Variants in MUC5AC observed in about 807,000 individuals in gnomAD.
MUC5AC encodes the protein mucin 5AC, oligomeric mucus/gel-forming.
Under a neutral mutation model 169.7 loss-of-function variants are expected in MUC5AC, and 158 were observed. The ratio of observed to expected loss-of-function variants is 0.93; its 90% CI spans 0.82 to 1.06. The LOEUF is 1.06. Ranked by LOEUF, MUC5AC falls within the 50% of genes least tolerant of loss-of-function variation. The pLI is 0.00. For synonymous variants in MUC5AC, 1,975 were observed against 1,237.0 expected (o/e 1.60, Z -12.52); for missense variants, 4,359 against 3,089.9 (o/e 1.41, Z -9.74).
Position 1,200,537 on chromosome 11 carries a change from C to T in MUC5AC, c.16800C>T (p.Ser5600=), listed in dbSNP as rs1861400590. The T allele has an allele frequency of 1.3e-6, 1 of 763,420 alleles. No homozygotes were observed. The highest frequency in any genetic ancestry group is 1.7e-5 in the African/African-American group (1 of 59,094). 47.3% of individuals were successfully genotyped at this position (763,420 alleles called of 1,614,324 possible). ...TGACCCTGCACTGCACCGACGGCTC[C>T]AGCCGGGCCTTCAGCTACACCGAGG... ...RNVTLHCTDG[S]SRAFSYTEVE... The change falls in exon 49 of 49, where the codon TCC becomes TCT. Residue 5600 remains serine (S), a synonymous_variant. Coordinates refer to ENST00000621226, the MANE Select transcript of MUC5AC (RefSeq NM_001304359.2).
chr11:1,162,475 T>C, intron 4 of MUC5AC, 57 bp from the exon 5 acceptor site: 2 of 1,501,412 alleles, frequency 1.3e-6, no homozygotes, highest in Non-Finnish European at 1.8e-6. Context: ...GCATCTGCCC[T>C]GCCTGGGGTC....
In MUC5AC at chr11:1,178,527, C is replaced by A. The variant is rs932127819; in HGVS notation, c.3171C>A (p.Asp1057Glu). ...CGCGGAGCCGGTCTGTGGTGGGGGACGTGCTGGAGTTTGGGAACAGCTGGA... is the reference window on the plus strand; with the variant it reads ...CGCGGAGCCGGTCTGTGGTGGGGGAAGTGCTGGAGTTTGGGAACAGCTGGA... The part of the protein sequence containing the change: ...FATRSRSVVG[D>E]VLEFGNSWKL... Residue 1057 changes from aspartate to glutamate, a missense_variant, in exon 25 of 49, where the codon GAC becomes GAA. Coordinates refer to ENST00000621226, the MANE Select transcript of MUC5AC (RefSeq NM_001304359.2). 2 of 1,293,394 alleles carry A rather than the reference C, an allele frequency of 1.5e-6. No homozygotes were observed. The highest frequency in any genetic ancestry group is 2.0e-6 in the Non-Finnish European group (2 of 985,332). The allele number at this position is 1,293,394 out of a possible 1,614,324, so 80.1% of individuals were successfully genotyped here.
At chr11:1,193,992 G>T (rs1043131159) in intron 33 of MUC5AC, 118 bp from the exon 34 acceptor site, 1 of 671,632 alleles carries the variant, frequency 1.5e-6, no homozygotes. Context: ...GGTCTTGTGC[G>T]CCCTGTGAGA....
At chr11:1,197,405 G>C (rs28429550) in intron 40 of MUC5AC, 63 bp from the exon 41 acceptor site, 510,915 of 687,866 alleles carry the variant, frequency 0.74, 192,896 homozygotes, top group Non-Finnish European at 0.8. Flanking sequence ...ATGAGCCGGG[G>C]TGGCTGCTGC....
chr11:1,183,419 G>T lies in MUC5AC; in HGVS notation c.5274G>T (p.Pro1758=). The T allele has an allele frequency of 1.6e-6, 1 of 640,698 alleles. No homozygotes were observed. The allele number at this position is 640,698 out of a possible 1,614,324, so 39.7% of individuals were successfully genotyped here. A position where few individuals can be genotyped will look rare whatever the true frequency, so the allele number is the denominator to read the frequency against. ...TWTKWFDVDF[P]SPGPHGGDKE... Reference sequence around the variant, plus strand: ...CAAAGTGGTTCGACGTGGACTTCCCGTCCCCCGGACCCCATGGTGGAGACA... The same window carrying T: ...CAAAGTGGTTCGACGTGGACTTCCCTTCCCCCGGACCCCATGGTGGAGACA... The change falls in exon 31 of 49, where the codon CCG becomes CCT. Residue 1758 remains proline (P), a synonymous_variant. Transcript: ENST00000621226.
At position 1,194,566 on chromosome 11, in the gene MUC5AC, A is replaced by G. The variant is rs1254833748; in HGVS notation, c.15086A>G (p.Tyr5029Cys). ...GTCTCGCGCATCGGCGTCAAGATGTACGCGACCATCCCGGAGCTGGGAGTC... is the reference window on the plus strand; with the variant it reads ...GTCTCGCGCATCGGCGTCAAGATGTGCGCGACCATCCCGGAGCTGGGAGTC... ...IVVSRIGVKM[Y>C]ATIPELGVQV... is the part of the protein sequence containing the mutation. Residue 5029 changes from tyrosine to cysteine, a missense_variant, in exon 35 of 49, where the codon TAC (tyrosine) becomes TGC (cysteine). Physicochemically the swap from Tyr to Cys is radical, Grantham distance 194 (BLOSUM62 -2). Coordinates refer to ENST00000621226, the MANE Select transcript of MUC5AC (RefSeq NM_001304359.2). The G allele has an allele frequency of 1.3e-6, 1 of 764,446 alleles. No homozygotes were observed. The highest frequency in any genetic ancestry group is 2.4e-6 in the Non-Finnish European group (1 of 417,588). 47.4% of individuals were successfully genotyped at this position (764,446 alleles called of 1,614,324 possible).
At position 1,190,592 on chromosome 11, in the gene MUC5AC, T is replaced by C. The variant is rs1253192631; in HGVS notation, c.12447T>C (p.Pro4149=). 19 of 693,128 alleles carry C rather than the reference T, an allele frequency of 2.7e-5. No homozygotes were observed. Among genetic ancestry groups the C allele is most frequent in the Non-Finnish European group, 4.2e-5 (16 of 380,490 alleles). 42.9% of individuals were successfully genotyped at this position (693,128 alleles called of 1,614,324 possible). A position where few individuals can be genotyped will look rare whatever the true frequency, so the allele number is the denominator to read the frequency against. Residue 4149 remains proline (P), a synonymous_variant, in exon 31 of 49, where the codon CCT becomes CCC. Transcript: ENST00000621226. ...CTACACACAGAACGACTTCTGGTCC[T>C]ACAACCAGCACAACCTTGGCTCCTA... ...SAPTHRTTSG[P]TTSTTLAPTT...
chr11:1,188,079 A>G lies in MUC5AC; in HGVS notation c.9934A>G (p.Asn3312Asp), dbSNP rs1222613100. ...DQQGPFKMCL[N>D]YEVRVLCCET... is the part of the protein sequence containing the mutation. ...GCAGGGACCCTTCAAGATGTGCCTC[A>G]ACTACGAGGTGCGTGTGCTCTGCTG... The change falls in exon 31 of 49, where the codon AAC (asparagine) becomes GAC (aspartate). Residue 3312 changes from asparagine to aspartate, a missense_variant. Asn to Asp is a conservative substitution (Grantham distance 23). Transcript: ENST00000621226. 4.0e-6 allele frequency: 3 copies of G among 742,480 alleles called. No homozygotes were observed. In the African/African-American group the frequency reaches 5.2e-5, roughly 13 times the overall value. 46.0% of individuals were successfully genotyped at this position (742,480 alleles called of 1,614,324 possible). A position where few individuals can be genotyped will look rare whatever the true frequency, so the allele number is the denominator to read the frequency against.
chr11:1,185,853 A>G lies in MUC5AC; in HGVS notation c.7708A>G (p.Thr2570Ala). 1.3e-6 allele frequency: 1 copy of G among 748,616 alleles called. No homozygotes were observed. Among genetic ancestry groups the G allele is most frequent in the Non-Finnish European group, 2.4e-6 (1 of 409,956 alleles). 46.4% of individuals were successfully genotyped at this position (748,616 alleles called of 1,614,324 possible). The change falls in exon 31 of 49, where the codon ACT becomes GCT. Residue 2570 changes from threonine (T) to alanine (A), a missense_variant. Thr to Ala is a moderately conservative substitution (Grantham distance 58). Coordinates refer to ENST00000621226, the MANE Select transcript of MUC5AC (RefSeq NM_001304359.2). Reference sequence around the variant, plus strand: ...AACCAGCACAACCTCTGGTCCTGGAACTACTCCCAGCCCTGTTCCTACCAC... The same window carrying G: ...AACCAGCACAACCTCTGGTCCTGGAGCTACTCCCAGCCCTGTTCCTACCAC... ...TTTSTTSGPG[T>A]TPSPVPTTST...
rs371327298 is a variant in MUC5AC at position 1,162,975 on chromosome 11, C to A, written c.609C>A (p.Tyr203Ter). 2 of 1,612,576 alleles carry A rather than the reference C, an allele frequency of 1.2e-6. No homozygotes were observed. The highest frequency in any genetic ancestry group is 1.3e-5 in the African/African-American group (1 of 74,934). ...TGCAGCTGGAGCTGGACACCAAATACGCCAACAAGACCTGTGGGCTCTGTG... is the reference window on the plus strand; with the variant it reads ...TGCAGCTGGAGCTGGACACCAAATAAGCCAACAAGACCTGTGGGCTCTGTG... ...DSLLLELDTKYANKTCGLCGD... is the reference protein window; with the variant it reads ...DSLLLELDTK Residue 203 changes from tyrosine to a stop codon, truncating the protein, a stop_gained, in exon 6 of 49, where the codon TAC becomes TAA. Coordinates refer to ENST00000621226, the MANE Select transcript of MUC5AC (RefSeq NM_001304359.2). LOFTEE classifies it high-confidence loss of function.
chr11:1,171,565 C>CCATT (rs1860538430), intron 15 of MUC5AC, among the ~76,000 whole-genome samples: 1 of 119,266 alleles, frequency 8.4e-6, no homozygotes, highest in Non-Finnish European at 1.8e-5. Context: ...ACCCACTCAC[C>CCATT]CACTCACTTA....
chr11:1,164,320 G>A lies in MUC5AC; in HGVS notation c.1003+1G>A, dbSNP rs916245957. 5 of 1,611,944 alleles carry A rather than the reference G, an allele frequency of 3.1e-6. No homozygotes were observed. Among genetic ancestry groups the A allele is most frequent in the Non-Finnish European group, 2.5e-6 (3 of 1,179,842 alleles). On this transcript the variant is annotated splice_donor_variant, in intron 8 of 48. Transcript: ENST00000621226. LOFTEE classifies it high-confidence loss of function. ...GACTGGCGGGGCCCTGACTTCTGCC[G>A]TGAGTGTCCCAGCCCCCTGTCCCCC...
Position 1,168,765 on chromosome 11 carries a change from G to A in MUC5AC, c.1691G>A (p.Arg564His), listed in dbSNP as rs372543378. 7.2e-5 allele frequency: 115 copies of A among 1,603,850 alleles called. No individual in the cohort carries two copies. Among genetic ancestry groups the A allele is most frequent in the Non-Finnish European group, 8.6e-5 (101 of 1,173,232 alleles). The change falls in exon 14 of 49, where the codon CGT (arginine) becomes CAT (histidine). Residue 564 changes from arginine to histidine, a missense_variant. Coordinates refer to ENST00000621226, the MANE Select transcript of MUC5AC (RefSeq NM_001304359.2). ...QLFMQLAPKLRGQTCGLCGNF... is the reference protein window; with the variant it reads ...QLFMQLAPKLHGQTCGLCGNF... Reference sequence around the variant, plus strand: ...TTCATGCAGCTGGCGCCCAAGCTCCGTGGGCAGACCTGCGGTAAGAGGGCT... The same window carrying A: ...TTCATGCAGCTGGCGCCCAAGCTCCATGGGCAGACCTGCGGTAAGAGGGCT...
chr11:1,197,863 G>T (rs1018634891), intron 41 of MUC5AC, 40 bp from the exon 42 acceptor site: 9 of 694,624 alleles, frequency 1.3e-5, no homozygotes, highest in Admixed American at 4.0e-5. Flanking sequence ...GGGTGGGGGC[G>T]GGGGACAGAC....
rs750361134 is a variant in MUC5AC at position 1,195,231 on chromosome 11, C to T, written c.15410C>T (p.Pro5137Leu). The change falls in exon 36 of 49, where the codon CCG (proline) becomes CTG (leucine). Residue 5137 changes from proline (P) to leucine (L), a missense_variant. Coordinates refer to ENST00000621226, the MANE Select transcript of MUC5AC (RefSeq NM_001304359.2). ...VGSTTVGPTT[P>L]PAPCLPSPIC... ...TCTACCACGGTCGGGCCCACCACAC[C>T]GCCTGCTCCGTGCCTGCCATCACCC... The T allele has an allele frequency of 2.9e-5, 22 of 759,822 alleles. No homozygotes were observed. The highest frequency in any genetic ancestry group is 5.3e-5 in the African/African-American group (3 of 56,742). The allele number at this position is 759,822 out of a possible 1,614,324, so 47.1% of individuals were successfully genotyped here. A position where few individuals can be genotyped will look rare whatever the true frequency, so the allele number is the denominator to read the frequency against.
chr11:1,165,502 C>G (rs1485470660), intron 10 of MUC5AC, 83 bp downstream of exon 10: 2 of 1,577,632 alleles, frequency 1.3e-6, no homozygotes, highest in African/African-American at 2.7e-5. Context: ...CCGGCAGGCT[C>G]CCTCGTCTGG....
rs1315057094 is a variant in MUC5AC, at chr11:1,191,481, A to G, written c.13336A>G (p.Thr4446Ala). Residue 4446 changes from threonine to alanine, a missense_variant, in exon 31 of 49, where the codon ACC (threonine) becomes GCC (alanine). Thr to Ala is a moderately conservative substitution (Grantham distance 58). Coordinates refer to ENST00000621226, the MANE Select transcript of MUC5AC (RefSeq NM_001304359.2). ...TGGAACTACTCCCAGCCCTGTTCCC[A>G]CCACAAGCACAACCTCTGCTTCTAC... ...GPGTTPSPVP[T>A]TSTTSASTTS... The G allele has an allele frequency of 1.3e-6, 1 of 741,240 alleles. No homozygotes were observed. Among genetic ancestry groups the G allele is most frequent in the African/African-American group, 1.7e-5 (1 of 57,566 alleles). The allele number at this position is 741,240 out of a possible 1,614,324, so 45.9% of individuals were successfully genotyped here. A position where few individuals can be genotyped will look rare whatever the true frequency, so the allele number is the denominator to read the frequency against.
At chr11:1,158,429 C>T (rs552733298) in intron 1 of MUC5AC, among the ~76,000 whole-genome samples, 1 of 152,208 alleles carries the variant, frequency 6.6e-6, no homozygotes, top group Non-Finnish European at 1.5e-5. Context: ...TGGGCCTGGT[C>T]GGGGCATTAG....
At chr11:1,197,415 C>A in intron 40 of MUC5AC, 53 bp from the exon 41 acceptor site, 1 of 692,502 alleles carries the variant, frequency 1.4e-6, no homozygotes, top group Non-Finnish European at 2.6e-6. Context: ...GTGGCTGCTG[C>A]ACCCCTGGGT....
Sources: gnomAD v4.1 joint callset for allele counts (sites outside exome capture counted in the v4.1 genomes callset) on GRCh38, gnomAD v4.1.1 for gene constraint, MANE v1.5 for transcripts, NCBI Gene and HGNC (gene_info 2026-07-23, HGNC 2026-07-21) for gene names.